FGF12: variants seen among roughly 807,000 people sequenced by gnomAD.
The protein encoded by FGF12 is fibroblast growth factor 12B.
In FGF12, 14 loss-of-function variants were observed where a neutral mutation model predicts 23.6. That is an observed-to-expected ratio of 0.59 (90% confidence interval 0.39 to 0.93). The LOEUF is 0.93. Ranked by LOEUF, FGF12 falls within the 40% of genes least tolerant of loss-of-function variation. The pLI, the probability that FGF12 is intolerant of heterozygous loss-of-function variation, is 0.00. For synonymous variants in FGF12, 62 were observed against 77.3 expected, an observed-to-expected ratio of 0.80 and a Z score of 1.04; for missense variants, 175 against 217.8, an observed-to-expected ratio of 0.80 and a Z score of 1.24.
intron 2 of FGF12, among the ~76,000 whole-genome samples, chr3:192,631,004 C>T (rs1474790430): frequency 6.6e-6 from 1 of 152,128 alleles, no homozygotes; most frequent in Non-Finnish European, 1.5e-5. Flanking sequence ...AATTTTGCCT[C>T]ATAACACAAT....
At chr3:192,521,805 AT>A (rs1258284446) in intron 2 of FGF12, among the ~76,000 whole-genome samples, 4 of 151,896 alleles carry the variant, frequency 2.6e-5, no homozygotes, top group African/African-American at 9.7e-5. Context: ...GCACATGTAT[AT>A]TTTCCCCCCA....
At chr3:192,721,889 C>A (rs373599330) in intron 2 of FGF12, among the ~76,000 whole-genome samples, 4 of 152,236 alleles carry the variant, frequency 2.6e-5, no homozygotes, top group African/African-American at 9.6e-5. Context: ...CTCTTTGGAG[C>A]TCATTAATCA....
At chr3:192,709,803 C>T (rs1389862091) in intron 2 of FGF12, among the ~76,000 whole-genome samples, 1 of 152,150 alleles carries the variant, frequency 6.6e-6, no homozygotes, top group Non-Finnish European at 1.5e-5. Context: ...CTAGAGCCTC[C>T]AGCACTTGTT....
rs572072074 is a variant in FGF12, at chr3:192,362,380, C to G, written c.14-1842G>C. Among the ~76,000 whole-genome samples, 211 of 152,246 alleles carry G rather than the reference C, an allele frequency of 1.4e-3. 1 individual carries two copies. The Middle Eastern group carries it at 0.017, about 12-fold the overall frequency. ...TTAGGTATTTCTCCTAATGCTATCC[C>G]TCCCCCACCCCTCCACCCCACGACA... On this transcript the variant is annotated intron_variant, in intron 2 of 5. Transcript: ENST00000445105.
At chr3:192,297,815 T>G (rs1250429373) in intron 4 of FGF12, among the ~76,000 whole-genome samples, 2 of 152,196 alleles carry the variant, frequency 1.3e-5, no homozygotes, top group South Asian at 2.1e-4. Flanking sequence ...ATGGTTAACA[T>G]CTTTAATATT....
chr3:192,437,885 G>T (rs1722077145), intron 2 of FGF12, among the ~76,000 whole-genome samples: 1 of 152,112 alleles, frequency 6.6e-6, no homozygotes, highest in African/African-American at 2.4e-5. Flanking sequence ...CCACTCCCTT[G>T]TATAGCTTCA....
chr3:192,262,079 G>A (rs1277926603), intron 4 of FGF12, among the ~76,000 whole-genome samples: 2 of 152,144 alleles, frequency 1.3e-5, no homozygotes, highest in African/African-American at 4.8e-5. Flanking sequence ...CTCTTAAACA[G>A]TGTTGTTAAA....
At chr3:192,669,097 A>G (rs1717007095) in intron 2 of FGF12, among the ~76,000 whole-genome samples, 1 of 152,266 alleles carries the variant, frequency 6.6e-6, no homozygotes, top group African/African-American at 2.4e-5. Context: ...TAAAAATAAA[A>G]TATGGCTATT....
At chr3:192,642,176 C>T (rs909306446) in intron 2 of FGF12, among the ~76,000 whole-genome samples, 18 of 152,158 alleles carry the variant, frequency 1.2e-4, no homozygotes, top group African/African-American at 3.9e-4. Flanking sequence ...ACCATATTTA[C>T]GTCAGTCTTT....
chr3:192,331,311 C>CA (rs201997868), intron 4 of FGF12, among the ~76,000 whole-genome samples: 1,858 of 95,808 alleles, frequency 0.019, 30 homozygotes, highest in East Asian at 0.059. Flanking sequence ...GGAGTTTTCT[C>CA]AAAAAAAAAA....
intron 2 of FGF12, among the ~76,000 whole-genome samples, chr3:192,682,397 C>A (rs1326404036): frequency 1.3e-5 from 2 of 152,104 alleles, no homozygotes; most frequent in Non-Finnish European, 2.9e-5. Context: ...TAAATCTAAC[C>A]CTGACTCCAG....
intron 2 of FGF12, among the ~76,000 whole-genome samples, chr3:192,597,265 C>T (rs193287840): frequency 6.6e-6 from 1 of 152,238 alleles, no homozygotes; most frequent in Non-Finnish European, 1.5e-5. Flanking sequence ...ATTCCCACTA[C>T]ATCCTCAAAA....
intron 4 of FGF12, among the ~76,000 whole-genome samples, chr3:192,332,870 T>C (rs1717196387): frequency 6.6e-6 from 1 of 152,104 alleles, no homozygotes; most frequent in African/African-American, 2.4e-5. Flanking sequence ...ATTCTAGCCT[T>C]AATGCATACC....
At chr3:192,159,704 C>T (rs1200039578) in intron 5 of FGF12, among the ~76,000 whole-genome samples, 1 of 152,116 alleles carries the variant, frequency 6.6e-6, no homozygotes, top group African/African-American at 2.4e-5. Context: ...GTGAATTTGC[C>T]TTCAGTGAAT....
chr3:192,665,463 A>T (rs13068565), intron 2 of FGF12, among the ~76,000 whole-genome samples: 3,504 of 152,290 alleles, frequency 0.023, 48 homozygotes, highest in Middle Eastern at 0.068. Flanking sequence ...CTTTGCAGGG[A>T]CATGGATGAA....
In FGF12 at chr3:192,460,682, T is replaced by TTATA. The variant is rs35031609; in HGVS notation, c.14-100148_14-100145dup. ...CATATACACACACACACACATATAT[T>TTATA]TATATATATATATATATATATATCC... is the stretch of plus-strand genomic sequence containing the variant. On this transcript the variant is annotated intron_variant, in intron 2 of 5. Coordinates refer to ENST00000445105, the MANE Select transcript of FGF12 (RefSeq NM_004113.6). Among the ~76,000 whole-genome samples, 1,413 of 142,410 alleles carry TTATA rather than the reference T, an allele frequency of 9.9e-3. 16 individuals are homozygous for TTATA. The highest frequency in any genetic ancestry group is 0.051 in the East Asian group (247 of 4,860). 93.4% of individuals were successfully genotyped at this position (142,410 alleles called of 152,430 possible).
At chr3:192,191,108 G>C (rs1266504550) in intron 4 of FGF12, among the ~76,000 whole-genome samples, 1 of 152,124 alleles carries the variant, frequency 6.6e-6, no homozygotes, top group Non-Finnish European at 1.5e-5. Flanking sequence ...AGTACTTTTA[G>C]TATTGGTGAC....
At chr3:192,177,916 C>T (rs954846746) in intron 4 of FGF12, among the ~76,000 whole-genome samples, 2 of 152,152 alleles carry the variant, frequency 1.3e-5, no homozygotes, top group African/African-American at 4.8e-5. Context: ...ATAACTTGAC[C>T]CTTTCTGGCA....
At chr3:192,167,769 A>ATATATATATATATATATATATAT (rs1553845519) in intron 5 of FGF12, among the ~76,000 whole-genome samples, 4 of 38,840 alleles carry the variant, frequency 1.0e-4, no homozygotes, top group East Asian at 1.1e-3. Context: ...ATATATATAT[A>ATATATATATATATATATATATAT]AAATTTTTTT....
Sources: gnomAD v4.1 joint callset for allele counts (sites outside exome capture counted in the v4.1 genomes callset) on GRCh38, gnomAD v4.1.1 for gene constraint, MANE v1.5 for transcripts, NCBI Gene and HGNC (gene_info 2026-07-23, HGNC 2026-07-21) for gene names.